USP7: variants seen among roughly 807,000 people sequenced by gnomAD.
USP7 encodes the protein ubiquitin specific peptidase 7, also known as ubiquitin C-terminal hydrolase 7.
A neutral mutation model predicts 162.9 loss-of-function variants in USP7; 9 were observed. The ratio of observed to expected loss-of-function variants is 0.06; its 90% confidence interval spans 0.03 to 0.10. USP7 has a LOEUF of 0.10. Ranked by LOEUF, USP7 falls within the 10% of genes least tolerant of loss-of-function variation. USP7 has a pLI of 1.00. For synonymous variants in USP7, 562 were observed against 475.9 expected (o/e 1.18, Z -2.35); for missense variants, 715 against 1,373.7 (o/e 0.52, Z 7.58).
chr16:8,920,247 G>GA, intron 5 of USP7, 112 bp downstream of exon 5: 1 of 908,190 alleles, frequency 1.1e-6, no homozygotes, highest in Non-Finnish European at 1.7e-6. Context: ...GGCAAGCGCA[G>GA]AGAGGAGGCT....
chr16:8,938,888 T>C (rs56072147), intron 1 of USP7, among the ~76,000 whole-genome samples: 2,816 of 152,288 alleles, frequency 0.018, 67 homozygotes, highest in East Asian at 0.078. Context: ...GTGAAGATTA[T>C]ATGCAAATAC....
At chr16:8,920,877 A>T (rs1050832713) in intron 4 of USP7, among the ~76,000 whole-genome samples, 1 of 152,250 alleles carries the variant, frequency 6.6e-6, no homozygotes, top group African/African-American at 2.4e-5. Context: ...ACTATGCCTG[A>T]ATCATGAAAG....
chr16:8,954,406 G>A (rs1899693646), intron 1 of USP7, among the ~76,000 whole-genome samples: 1 of 152,216 alleles, frequency 6.6e-6, no homozygotes. Context: ...CAGAGCATGA[G>A]GTAGCTCGCG....
intron 12 of USP7, 63 bp downstream of exon 12, chr16:8,908,278 G>C: frequency 3.0e-6 from 4 of 1,344,022 alleles, no homozygotes; most frequent in Non-Finnish European, 4.3e-6. Context: ...GGAAAGCACT[G>C]AGACTAACCC....
rs2061612077 is a variant in USP7 at position 8,892,449 on chromosome 16, G to A, written c.*1549C>T. On this transcript the variant is annotated 3_prime_UTR_variant, in exon 31 of 31. Transcript: ENST00000344836. The stretch of plus-strand genomic sequence containing the variant: ...CCGTGCCACGGAGCTGGAAGGCAAG[G>A]CCGATGGGACGGTGCAAGGACCACG... The A allele has an allele frequency of 6.6e-6, 1 of 152,236 alleles. No homozygotes were observed. Among genetic ancestry groups the A allele is most frequent in the Non-Finnish European group, 1.5e-5 (1 of 68,052 alleles). 9.4% of individuals were successfully genotyped at this position (152,236 alleles called of 1,614,324 possible).
At chr16:8,913,257 A>G (rs1020587461) in intron 10 of USP7, among the ~76,000 whole-genome samples, 1 of 152,114 alleles carries the variant, frequency 6.6e-6, no homozygotes, top group African/African-American at 2.4e-5. Flanking sequence ...TTGTGAGCCT[A>G]AGGCAGGAGA....
intron 1 of USP7, among the ~76,000 whole-genome samples, chr16:8,938,348 AAAAAG>A (rs975645855): frequency 1.3e-4 from 20 of 152,036 alleles, no homozygotes; most frequent in Middle Eastern, 3.4e-3. Context: ...TCAAAAAAAA[AAAAAG>A]AAAGAAAGAA....
At chr16:8,945,859 T>C (rs988114058) in intron 1 of USP7, among the ~76,000 whole-genome samples, 2 of 151,752 alleles carry the variant, frequency 1.3e-5, no homozygotes, top group African/African-American at 4.8e-5. Flanking sequence ...GAAACCAGCC[T>C]GGGCAACATA....
rs1450922786 is a variant in USP7 at position 8,898,442 on chromosome 16, T to C, written c.2641-5A>G. The C allele has an allele frequency of 6.2e-7, 1 of 1,612,530 alleles. No homozygotes were observed. The highest frequency in any genetic ancestry group is 1.3e-5 in the African/African-American group (1 of 74,870). The stretch of plus-strand genomic sequence containing the variant: ...GTCTGTGATTTTCATCTTAAGCTAT[T>C]AAGAAAAGAAAGATTCACATCAGAT... On this transcript the variant is annotated splice_region_variant and splice_polypyrimidine_tract_variant and intron_variant, in intron 24 of 30. Coordinates refer to ENST00000344836, the MANE Select transcript of USP7 (RefSeq NM_003470.3).
chr16:8,911,298 G>A (rs1280715690), intron 10 of USP7, among the ~76,000 whole-genome samples: 5 of 152,208 alleles, frequency 3.3e-5, no homozygotes, highest in African/African-American at 7.2e-5. Context: ...CCTGTTCCAG[G>A]TGGATTGTAG....
intron 25 of USP7, among the ~76,000 whole-genome samples, chr16:8,897,821 C>G (rs2061712944): frequency 1.4e-5 from 2 of 146,852 alleles, no homozygotes; most frequent in South Asian, 4.3e-4. Flanking sequence ...ATCACTTGAG[C>G]CCAGGAGGTC....
rs976600617 is a variant in USP7, at chr16:8,892,465, A to G, written c.*1533T>C. On this transcript the variant is annotated 3_prime_UTR_variant, in exon 31 of 31. Transcript: ENST00000344836. The stretch of plus-strand genomic sequence containing the variant: ...GAAGGCAAGGCCGATGGGACGGTGC[A>G]AGGACCACGCCCACGATAGCGCCTG... 2 of 152,248 alleles carry G rather than the reference A, an allele frequency of 1.3e-5. No individual in the cohort carries two copies. The highest frequency in any genetic ancestry group is 4.8e-5 in the African/African-American group (2 of 41,456). 9.4% of individuals were successfully genotyped at this position (152,248 alleles called of 1,614,324 possible).
chr16:8,935,958 T>C (rs1356400639), intron 1 of USP7: 2 of 152,164 alleles, frequency 1.3e-5, no homozygotes, highest in Non-Finnish European at 2.9e-5. Context: ...ACCCCTGAGA[T>C]AACAGATCAG....
chr16:8,956,295 G>C lies in USP7; in HGVS notation c.79+6912C>G, dbSNP rs191840406. Reference sequence around the variant, plus strand: ...TTTTAGATTCTCAATGACCCAAAGAGAATGATCACCACCTTGAGAATGGGC... The same window carrying C: ...TTTTAGATTCTCAATGACCCAAAGACAATGATCACCACCTTGAGAATGGGC... On this transcript the variant is annotated intron_variant, in intron 1 of 30. Transcript: ENST00000344836. 4.6e-5 allele frequency: 7 copies of C among 152,330 alleles called. No homozygotes were observed. The East Asian group carries it at 1.3e-3, about 29-fold the overall frequency. The allele number at this position is 152,330 out of a possible 1,614,324, so 9.4% of individuals were successfully genotyped here.
chr16:8,940,777 A>C (rs1251978365), intron 1 of USP7, among the ~76,000 whole-genome samples: 1 of 152,096 alleles, frequency 6.6e-6, no homozygotes, highest in African/African-American at 2.4e-5. Context: ...AGCTGGCTTC[A>C]GGTAGGGCCC....
chr16:8,917,431 T>C (rs1897432610), intron 6 of USP7, among the ~76,000 whole-genome samples: 1 of 152,232 alleles, frequency 6.6e-6, no homozygotes, highest in Admixed American at 6.5e-5. Context: ...CAGGCTGAAG[T>C]GCAGTGGCGC....
chr16:8,956,974 C>G (rs1166355670), intron 1 of USP7, among the ~76,000 whole-genome samples: 2 of 152,166 alleles, frequency 1.3e-5, no homozygotes, highest in African/African-American at 4.8e-5. Flanking sequence ...ACCCCTCTGC[C>G]CATCCCATGC....
At position 8,918,588 on chromosome 16, in the gene USP7, T is replaced by C. The variant is rs376718767; in HGVS notation, c.720+443A>G. ...CCCTTGGGAAGCTGAGGCAGGTGGATAGCTTGGGGTCAGGAGTTCGAGACC... is the reference window on the plus strand; with the variant it reads ...CCCTTGGGAAGCTGAGGCAGGTGGACAGCTTGGGGTCAGGAGTTCGAGACC... On this transcript the variant is annotated intron_variant, in intron 6 of 30. Transcript: ENST00000344836. Among the ~76,000 whole-genome samples, 3 of 152,110 alleles carry C rather than the reference T, an allele frequency of 2.0e-5. No homozygotes were observed. The South Asian group carries it at 6.2e-4, about 32-fold the overall frequency.
chr16:8,942,047 G>A (rs1899069190), intron 1 of USP7, among the ~76,000 whole-genome samples: 1 of 152,254 alleles, frequency 6.6e-6, no homozygotes, highest in South Asian at 2.1e-4. Flanking sequence ...CAAGAAGCCT[G>A]CCGGCCAGAG....
Sources: gnomAD v4.1 joint callset for allele counts (sites outside exome capture counted in the v4.1 genomes callset) on GRCh38, gnomAD v4.1.1 for gene constraint, MANE v1.5 for transcripts, NCBI Gene and HGNC (gene_info 2026-07-23, HGNC 2026-07-21) for gene names.